The following KIF5C variants were observed in gnomAD, a reference collection of about 807,000 sequenced individuals.
KIF5C encodes the protein kinesin family member 5C.
KIF5C carries 18 observed loss-of-function variants against 125.2 expected under a neutral mutation model. The ratio of observed to expected loss-of-function variants is 0.14; its 90% CI spans 0.10 to 0.21. The LOEUF is 0.21. Ranked by LOEUF, KIF5C falls within the 10% of genes least tolerant of loss-of-function variation. The pLI, the probability that KIF5C is intolerant of heterozygous loss-of-function variation, is 1.00. For missense variants in KIF5C, 780 were observed against 1,183.8 expected, an observed-to-expected ratio of 0.66 and a Z score of 5.01; for synonymous variants, 405 against 434.0, an observed-to-expected ratio of 0.93 and a Z score of 0.83.
At chr2:148,949,788 T>C in intron 8 of KIF5C, 51 bp from the exon 9 acceptor site, 1 of 1,579,516 alleles carries the variant, frequency 6.3e-7, no homozygotes, top group Non-Finnish European at 8.6e-7. Context: ...AATTTCTACT[T>C]TGTGCTTCTG....
chr2:148,903,227 G>A (rs1029114625), intron 1 of KIF5C, among the ~76,000 whole-genome samples: 1 of 152,098 alleles, frequency 6.6e-6, no homozygotes, highest in African/African-American at 2.4e-5. Flanking sequence ...TGCTCATGTT[G>A]CCTTTAAAAA....
intron 11 of KIF5C, among the ~76,000 whole-genome samples, chr2:148,970,480 A>G (rs1340483256): frequency 1.3e-5 from 2 of 152,220 alleles, no homozygotes; most frequent in Non-Finnish European, 2.9e-5. Flanking sequence ...AAGGAAACCA[A>G]GAGGGTAAGC....
At chr2:148,943,691 C>A (rs1463225385) in intron 7 of KIF5C, among the ~76,000 whole-genome samples, 3 of 152,118 alleles carry the variant, frequency 2.0e-5, no homozygotes, top group Non-Finnish European at 4.4e-5. Context: ...CAAGTGCTGC[C>A]TGCTACCTAG....
At chr2:148,933,967 C>T (rs1682231553) in intron 3 of KIF5C, among the ~76,000 whole-genome samples, 2 of 151,318 alleles carry the variant, frequency 1.3e-5, no homozygotes, top group African/African-American at 4.9e-5. Context: ...CACAGACACA[C>T]TACACACCAC....
intron 1 of KIF5C, chr2:148,883,912 G>C (rs547223171): frequency 1.7e-3 from 252 of 152,154 alleles, no homozygotes; most frequent in African/African-American, 5.5e-3. Flanking sequence ...TGGGTAAAAG[G>C]ATATACGAGA....
chr2:148,882,343 C>G (rs957020968), intron 1 of KIF5C, among the ~76,000 whole-genome samples: 2 of 152,188 alleles, frequency 1.3e-5, no homozygotes, highest in Non-Finnish European at 2.9e-5. Flanking sequence ...GTGGCTAGTC[C>G]ACGGCAGGCA....
At position 148,924,086 on chromosome 2, in the gene KIF5C, T is replaced by G. The variant is rs1327898861; in HGVS notation, c.217+1859T>G. ...TGCCTTATTCTCCCTTAAAAAGGAA[T>G]TGATGAAGGTCTGATTGGATTTCAC... On this transcript the variant is annotated intron_variant, in intron 2 of 25. Transcript: ENST00000435030. This position sits in a 1 kb window ranked among gnomAD's most constrained non-coding sequence, Gnocchi z 4.0. Among the ~76,000 whole-genome samples the G allele has an allele frequency of 6.6e-6, 1 of 152,188 alleles. No homozygotes were observed. The highest frequency in any genetic ancestry group is 1.5e-5 in the Non-Finnish European group (1 of 68,026).
intron 11 of KIF5C, among the ~76,000 whole-genome samples, chr2:148,967,722 GC>G (rs1324239377): frequency 2.0e-5 from 3 of 152,204 alleles, no homozygotes; most frequent in African/African-American, 7.2e-5. Context: ...TGGCTCTTTA[GC>G]CTCACGGAGA....
intron 25 of KIF5C, among the ~76,000 whole-genome samples, chr2:149,020,607 G>A (rs777459661): frequency 7.2e-5 from 11 of 152,138 alleles, no homozygotes; most frequent in Non-Finnish European, 1.5e-4. Context: ...CAAACATTGC[G>A]TCAGGCCATA....
rs1681235743 is a variant in KIF5C, at chr2:148,981,541, G to A, written c.1549G>A (p.Asp517Asn). The change falls in exon 14 of 26, where the codon GAC (aspartate) becomes AAC (asparagine). Residue 517 changes from aspartate (D) to asparagine (N), a missense_variant. This residue lies in a region of KIF5C where 573 missense variants were observed against 742.6 expected (regional missense o/e 0.77). Transcript: ENST00000435030. Reference sequence around the variant, plus strand: ...GACCCGGGCCAATGAGCAGCTGACAGACGAGCTGGCCCAGAAAACGGTTGG... The same window carrying A: ...GACCCGGGCCAATGAGCAGCTGACAAACGAGCTGGCCCAGAAAACGGTTGG... The part of the protein sequence containing the change: ...DKTRANEQLT[D>N]ELAQKTTTLT... 2 of 1,600,672 alleles carry A rather than the reference G, an allele frequency of 1.2e-6. No homozygotes were observed. Among genetic ancestry groups the A allele is most frequent in the Non-Finnish European group, 1.7e-6 (2 of 1,173,822 alleles).
intron 1 of KIF5C, among the ~76,000 whole-genome samples, chr2:148,906,785 G>A (rs950184725): frequency 6.6e-6 from 1 of 152,126 alleles, no homozygotes; most frequent in African/African-American, 2.4e-5. Flanking sequence ...AGGATTGCTT[G>A]AGCCCAGGGG....
intron 4 of KIF5C, among the ~76,000 whole-genome samples, chr2:148,940,805 C>T (rs1389269539): frequency 6.6e-6 from 1 of 152,090 alleles, no homozygotes; most frequent in East Asian, 1.9e-4. Context: ...CAATTGAGGC[C>T]TAGGGTCTTG....
intron 1 of KIF5C, among the ~76,000 whole-genome samples, chr2:148,894,204 T>A (rs1681778257): frequency 6.6e-6 from 1 of 152,236 alleles, no homozygotes; most frequent in African/African-American, 2.4e-5. Flanking sequence ...ATATCCAAAC[T>A]CCATTATCTT....
In KIF5C at chr2:148,998,394, A is replaced by T. The variant is rs1230444518; in HGVS notation, c.2101-6A>T. 6.4e-7 allele frequency: 1 copy of T among 1,558,010 alleles called. No homozygotes were observed. The highest frequency in any genetic ancestry group is 1.9e-5 in the Admixed American group (1 of 51,364). ...GATGACATGTTTCTCTTGGCCTGGG[A>T]TGCAGAAGGCGCTGGAGCAGCAGAT... On this transcript the variant is annotated splice_polypyrimidine_tract_variant and splice_region_variant and intron_variant, in intron 18 of 25. Coordinates refer to ENST00000435030, the MANE Select transcript of KIF5C (RefSeq NM_004522.3).
intron 10 of KIF5C, among the ~76,000 whole-genome samples, chr2:148,954,658 G>A (rs552787597): frequency 1.2e-4 from 19 of 152,194 alleles, no homozygotes; most frequent in Non-Finnish European, 2.1e-4. Context: ...GAATGTGGAA[G>A]GAGAATTGAT....
In KIF5C at chr2:149,010,276, C is replaced by A; in HGVS notation, c.2692C>A (p.Gln898Lys). The A allele has an allele frequency of 6.3e-7, 1 of 1,595,966 alleles. No homozygotes were observed. The highest frequency in any genetic ancestry group is 2.3e-5 in the East Asian group (1 of 43,826). Residue 898 changes from glutamine (Q) to lysine (K), a missense_variant, in exon 24 of 26, where the codon CAG becomes AAG. By Grantham distance (53) the Gln-to-Lys change is moderately conservative. Coordinates refer to ENST00000435030, the MANE Select transcript of KIF5C (RefSeq NM_004522.3). ...CGCCATGCGGGACCGTAAGCGCTAC[C>A]AGCAGGAGGTGGATCGTATCAAGGA... ...ENAMRDRKRY[Q>K]QEVDRIKEAV...
At chr2:148,991,968 G>A (rs1681538302) in intron 16 of KIF5C, among the ~76,000 whole-genome samples, 1 of 152,204 alleles carries the variant, frequency 6.6e-6, no homozygotes, top group Admixed American at 6.5e-5. Flanking sequence ...TGGTATTTGG[G>A]TCTGACGTTT....
Position 148,924,484 on chromosome 2 carries a change from G to T in KIF5C, c.217+2257G>T, listed in dbSNP as rs1222441430. Among the ~76,000 whole-genome samples, 1 of 143,832 alleles carries T rather than the reference G, an allele frequency of 7.0e-6. No homozygotes were observed. The highest frequency in any genetic ancestry group is 1.5e-5 in the Non-Finnish European group (1 of 67,284). 94.4% of individuals were successfully genotyped at this position (143,832 alleles called of 152,430 possible). On this transcript the variant is annotated intron_variant, in intron 2 of 25. Coordinates refer to ENST00000435030, the MANE Select transcript of KIF5C (RefSeq NM_004522.3). This position sits in a 1 kb window ranked among gnomAD's most constrained non-coding sequence, Gnocchi z 4.0. ...TTTTTCATTCCCTACCACTTCACTG[G>T]GTTAAAAAAAATATATTTTAAATGT...
At chr2:148,968,184 G>A (rs1361780569) in intron 11 of KIF5C, among the ~76,000 whole-genome samples, 1 of 152,148 alleles carries the variant, frequency 6.6e-6, no homozygotes, top group Non-Finnish European at 1.5e-5. Flanking sequence ...TTGCCTATAA[G>A]ATTAAAAAAC....
Sources: allele counts gnomAD v4.1 joint callset (sites outside exome capture counted in the v4.1 genomes callset), GRCh38; gene constraint gnomAD v4.1.1; regional missense constraint gnomAD v4.1.1; non-coding constraint Gnocchi (gnomAD v3.1); transcripts MANE v1.5; gene names NCBI Gene and HGNC (gene_info 2026-07-23, HGNC 2026-07-21).